Variants in CYSTM1 observed in about 807,000 individuals in gnomAD.
CYSTM1 encodes cysteine rich transmembrane module containing 1.
In CYSTM1, 4 loss-of-function variants were observed where a neutral mutation model predicts 13.1. The observed-to-expected ratio is 0.31, with a 90% confidence interval of 0.15 to 0.70. The LOEUF (loss-of-function observed/expected upper bound fraction) is 0.70, where lower values mean the gene tolerates loss of function less well. Among genes scored for constraint, CYSTM1 ranks in the 30% least tolerant of loss-of-function variants. The pLI, the probability that CYSTM1 is intolerant of heterozygous loss-of-function variation, is 0.72. For missense variants in CYSTM1, 96 were observed against 121.6 expected, an observed-to-expected ratio of 0.79 and a Z score of 0.99; for synonymous variants, 36 against 42.7, an observed-to-expected ratio of 0.84 and a Z score of 0.62.
chr5:140,180,061 T>C (rs1291310717), intron 1 of CYSTM1, among the ~76,000 whole-genome samples: 2 of 152,234 alleles, frequency 1.3e-5, no homozygotes, highest in African/African-American at 2.4e-5. Context: ...ACTGGCAGCC[T>C]ATGACCCAGC....
In CYSTM1 at chr5:140,194,612, CG is replaced by C. The variant is rs1561810343; in HGVS notation, c.149del (p.Gly50AlafsTer17). 2 of 1,613,226 alleles carry C rather than the reference CG, an allele frequency of 1.2e-6. No homozygotes were observed. Among genetic ancestry groups the C allele is most frequent in the Non-Finnish European group, 1.7e-6 (2 of 1,179,656 alleles). On this transcript the variant is annotated frameshift_variant, in exon 2 of 3. Coordinates refer to ENST00000261811, the MANE Select transcript of CYSTM1 (RefSeq NM_032412.4). LOFTEE classifies it high-confidence loss of function. ...GYPYQGYPQYGWQGGPQEPPK... is the reference protein window; with the variant it reads ...GYPYQGYPQYXWQGGPQEPPK... The stretch of plus-strand genomic sequence containing the variant: ...ACCCCTACCAAGGATACCCACAGTA[CG>C]GCTGGCAGGGTGGACCTCAGGAGCC...
At chr5:140,202,400 C>T (rs1188859129) in intron 2 of CYSTM1, 1 of 152,174 alleles carries the variant, frequency 6.6e-6, no homozygotes, top group Non-Finnish European at 1.5e-5. Context: ...CCAGATCTTG[C>T]CAGAGCAGAA....
chr5:140,230,340 G>T lies in CYSTM1; in HGVS notation c.188-12965G>T, dbSNP rs1764604953. 6.6e-6 allele frequency among the ~76,000 whole-genome samples: 1 copy of T among 152,200 alleles called. No homozygotes were observed. Among genetic ancestry groups the T allele is most frequent in the African/African-American group, 2.4e-5 (1 of 41,450 alleles). On this transcript the variant is annotated intron_variant, in intron 2 of 2. Coordinates refer to ENST00000261811, the MANE Select transcript of CYSTM1 (RefSeq NM_032412.4). This position sits in a 1 kb window ranked among gnomAD's most constrained non-coding sequence, Gnocchi z 4.1. The stretch of plus-strand genomic sequence containing the variant: ...CCATGACACTGGGTTTTTGAGAAAA[G>T]AAATGCTTTTATTATAAGTTAACAA...
chr5:140,241,441 T>A (rs2126674267), intron 2 of CYSTM1, among the ~76,000 whole-genome samples: 1 of 152,232 alleles, frequency 6.6e-6, no homozygotes, highest in Non-Finnish European at 1.5e-5. Context: ...CAATAAATGG[T>A]AACTTAAGAG....
chr5:140,221,739 C>G (rs1764495143), intron 2 of CYSTM1, among the ~76,000 whole-genome samples: 1 of 152,176 alleles, frequency 6.6e-6, no homozygotes, highest in Non-Finnish European at 1.5e-5. Context: ...GCACAAGGAG[C>G]AGGATGTCTT....
intron 2 of CYSTM1, among the ~76,000 whole-genome samples, chr5:140,235,519 C>T (rs1039574179): frequency 6.6e-6 from 1 of 151,764 alleles, no homozygotes; most frequent in African/African-American, 2.4e-5. Context: ...CATTCTCCTG[C>T]CTCAGCCTCC....
chr5:140,191,297 A>G (rs73793718), intron 1 of CYSTM1, among the ~76,000 whole-genome samples: 2,963 of 151,278 alleles, frequency 0.02, 92 homozygotes, highest in African/African-American at 0.067. Context: ...AGGTCATGGT[A>G]GCTGGAGCAC....
rs1274607109 is a variant in CYSTM1 at position 140,231,443 on chromosome 5, C to T, written c.188-11862C>T. Among the ~76,000 whole-genome samples the T allele has an allele frequency of 4.6e-5, 7 of 152,262 alleles. No individual in the cohort carries two copies. In the South Asian group the frequency reaches 8.3e-4, roughly 18 times the overall value. ...CAGAGACAATCATGGATTCCGTAAA[C>T]GTAGCTCCAGAGTGTCAGGTGACAG... On this transcript the variant is annotated intron_variant, in intron 2 of 2. Transcript: ENST00000261811.
chr5:140,235,093 A>C (rs1170474212), intron 2 of CYSTM1, among the ~76,000 whole-genome samples: 1 of 151,560 alleles, frequency 6.6e-6, no homozygotes, highest in African/African-American at 2.4e-5. Flanking sequence ...CAGCCTCCTA[A>C]GTAGCTGGGA....
rs959832263 is a variant in CYSTM1 at position 140,230,577 on chromosome 5, T to C, written c.188-12728T>C. 2.0e-4 allele frequency among the ~76,000 whole-genome samples: 31 copies of C among 152,196 alleles called. 1 individual carries two copies. The highest frequency in any genetic ancestry group is 1.2e-3 in the Admixed American group (18 of 15,284). On this transcript the variant is annotated intron_variant, in intron 2 of 2. Coordinates refer to ENST00000261811, the MANE Select transcript of CYSTM1 (RefSeq NM_032412.4). This position sits in a 1 kb window ranked among gnomAD's most constrained non-coding sequence, Gnocchi z 4.1. ...TCAGGGGAGGGGTTAGCATGAAACA[T>C]GCAGTGAAAATTCAGGCTGTGACAT...
chr5:140,209,093 G>T (rs1764332907), intron 2 of CYSTM1, among the ~76,000 whole-genome samples: 1 of 151,908 alleles, frequency 6.6e-6, no homozygotes, highest in African/African-American at 2.4e-5. Context: ...GTCCATGATG[G>T]GAAACCTTGC....
At chr5:140,185,719 C>A (rs1181393901) in intron 1 of CYSTM1, among the ~76,000 whole-genome samples, 1 of 152,206 alleles carries the variant, frequency 6.6e-6, no homozygotes, top group Non-Finnish European at 1.5e-5. Context: ...CTATTGCTAT[C>A]CCCCTGGGGC....
intron 1 of CYSTM1, among the ~76,000 whole-genome samples, chr5:140,176,545 G>GC (rs1364664670): frequency 2.6e-5 from 4 of 152,234 alleles, no homozygotes; most frequent in Admixed American, 2.6e-4. Context: ...TGGGAGCTAT[G>GC]CCCCCCTCAG....
chr5:140,188,070 C>CT (rs71276334), intron 1 of CYSTM1, among the ~76,000 whole-genome samples: 30,611 of 133,486 alleles, frequency 0.23, 3,445 homozygotes, highest in South Asian at 0.25. Context: ...TTAATTTTAA[C>CT]TTTTTTTTTT....
intron 2 of CYSTM1, among the ~76,000 whole-genome samples, chr5:140,238,592 G>A (rs1215624158): frequency 6.6e-6 from 1 of 152,170 alleles, no homozygotes; most frequent in African/African-American, 2.4e-5. Context: ...GGTAGTAAAC[G>A]ATGCCACTGC....
Position 140,175,624 on chromosome 5 carries a change from C to T in CYSTM1, c.-21+339C>T, listed in dbSNP as rs1185519244. Among the ~76,000 whole-genome samples the T allele has an allele frequency of 6.6e-6, 1 of 152,238 alleles. No individual in the cohort carries two copies. The highest frequency in any genetic ancestry group is 1.5e-5 in the Non-Finnish European group (1 of 68,038). ...CGGAGCGGGGCTCGCCACACCCCGT[C>T]CCGGGGGACGTCCGCGGGAGGCTTC... On this transcript the variant is annotated intron_variant, in intron 1 of 2. Coordinates refer to ENST00000261811, the MANE Select transcript of CYSTM1 (RefSeq NM_032412.4). This position sits in a 1 kb window ranked among gnomAD's most constrained non-coding sequence, Gnocchi z 4.9.
At chr5:140,216,722 T>A (rs1020795406) in intron 2 of CYSTM1, among the ~76,000 whole-genome samples, 11 of 152,168 alleles carry the variant, frequency 7.2e-5, no homozygotes, top group African/African-American at 2.7e-4. Flanking sequence ...CCCTTCCTTT[T>A]CTCTCCCTGC....
At chr5:140,176,278 A>G (rs1273641473) in intron 1 of CYSTM1, among the ~76,000 whole-genome samples, 2 of 152,116 alleles carry the variant, frequency 1.3e-5, no homozygotes, top group Non-Finnish European at 2.9e-5. Flanking sequence ...GATTCCTCAA[A>G]CCCTGCTTAT....
chr5:140,232,828 A>C (rs1764632231), intron 2 of CYSTM1, among the ~76,000 whole-genome samples: 1 of 152,214 alleles, frequency 6.6e-6, no homozygotes, highest in Non-Finnish European at 1.5e-5. Context: ...ATTGAGTTCC[A>C]AAAAGGTTAG....
Sources: gnomAD v4.1 joint callset for allele counts (sites outside exome capture counted in the v4.1 genomes callset) on GRCh38, gnomAD v4.1.1 for gene constraint, Gnocchi (gnomAD v3.1) non-coding constraint, MANE v1.5 for transcripts, NCBI Gene and HGNC (gene_info 2026-07-23, HGNC 2026-07-21) for gene names.